SECISBP2: variants seen among roughly 807,000 people sequenced by gnomAD.
SECISBP2 encodes SECIS binding protein 2.
In SECISBP2, 96 loss-of-function variants were observed where a neutral mutation model predicts 98.2. The ratio of observed to expected loss-of-function variants is 0.98; its 90% confidence interval spans 0.83 to 1.16. The LOEUF is 1.16. Ranked by LOEUF, SECISBP2 falls within the 50% of genes most tolerant of loss-of-function variation. SECISBP2 has a pLI of 0.00. For missense variants in SECISBP2, 1,046 were observed against 1,022.9 expected, an observed-to-expected ratio of 1.02 and a Z score of -0.31; for synonymous variants, 407 against 370.2, an observed-to-expected ratio of 1.10 and a Z score of -1.14.
rs528901059 is a variant in SECISBP2, at chr9:89,348,481, T to G, written c.1738+267T>G. Reference sequence around the variant, plus strand: ...CAGGTTTGATCTGTGTGATGCTGGATGGTCCTCTAACTTGAAGTGGTCATG... The same window carrying G: ...CAGGTTTGATCTGTGTGATGCTGGAGGGTCCTCTAACTTGAAGTGGTCATG... On this transcript the variant is annotated intron_variant, in intron 12 of 16. Coordinates refer to ENST00000375807, the MANE Select transcript of SECISBP2 (RefSeq NM_024077.5). 2.0e-5 allele frequency among the ~76,000 whole-genome samples: 3 copies of G among 152,346 alleles called. No individual in the cohort carries two copies. The East Asian group carries it at 5.8e-4, about 29-fold the overall frequency.
intron 10 of SECISBP2, among the ~76,000 whole-genome samples, chr9:89,346,236 T>C (rs1830399506): frequency 6.6e-6 from 1 of 152,088 alleles, no homozygotes; most frequent in African/African-American, 2.4e-5. Flanking sequence ...AAATAACTAT[T>C]GAGATGGGAA....
Position 89,359,137 on chromosome 9 carries a change from A to G in SECISBP2, c.*313A>G, listed in dbSNP as rs904088807. On this transcript the variant is annotated 3_prime_UTR_variant, in exon 17 of 17. Coordinates refer to ENST00000375807, the MANE Select transcript of SECISBP2 (RefSeq NM_024077.5). ...TTAGAATACTTTGGCTGCTAAGGAAACTTCCTCTCCATTGCAGAATAGCTG... is the reference window on the plus strand; with the variant it reads ...TTAGAATACTTTGGCTGCTAAGGAAGCTTCCTCTCCATTGCAGAATAGCTG... The G allele has an allele frequency of 5.4e-6, 2 of 368,270 alleles. No homozygotes were observed. The highest frequency in any genetic ancestry group is 2.3e-5 in the South Asian group (1 of 43,406). 22.8% of individuals were successfully genotyped at this position (368,270 alleles called of 1,614,324 possible). A position where few individuals can be genotyped will look rare whatever the true frequency, so the allele number is the denominator to read the frequency against.
chr9:89,362,022 G>A (rs1371154708), downstream of SECISBP2: 3 of 359,930 alleles, frequency 8.3e-6, no homozygotes, highest in South Asian at 4.0e-5. Flanking sequence ...TCACTGGGAC[G>A]GTGTAGGATC....
rs759529135 is a variant in SECISBP2, at chr9:89,332,985, A to C, written c.879A>C (p.Arg293Ser). 2 of 1,613,132 alleles carry C rather than the reference A, an allele frequency of 1.2e-6. No individual in the cohort carries two copies. Among genetic ancestry groups the C allele is most frequent in the African/African-American group, 1.3e-5 (1 of 74,904 alleles). ...NAATNSPSCT[R>S]ELSWTPMGYV... ...CTACCAATTCTCCTTCATGTACAAG[A>C]GGTAAAAGTGGCTGCAAAAATGTTA... The change falls in exon 6 of 17, where the codon AGA becomes AGC. Residue 293 changes from arginine (R) to serine (S), a missense_variant and splice_region_variant. Arg to Ser is a moderately radical substitution (Grantham distance 110). Transcript: ENST00000375807.
intron 8 of SECISBP2, 97 bp downstream of exon 8, chr9:89,338,677 C>G: frequency 4.7e-6 from 6 of 1,279,686 alleles, no homozygotes; most frequent in Non-Finnish European, 6.6e-6. Flanking sequence ...TGAAAATCTC[C>G]AGGGCTTTTT....
chr9:89,345,984 ACAGT>A (rs1308901211), intron 10 of SECISBP2, among the ~76,000 whole-genome samples: 2 of 152,238 alleles, frequency 1.3e-5, no homozygotes, highest in Non-Finnish European at 2.9e-5. Context: ...AGTGAATCAG[ACAGT>A]CAGACAGGCG....
chr9:89,318,869 G>A (rs1825174172), intron 1 of SECISBP2: 11 of 1,253,998 alleles, frequency 8.8e-6, no homozygotes, highest in Non-Finnish European at 1.1e-5. Flanking sequence ...CAGTGACTGC[G>A]GCCCAGCCCG....
At chr9:89,326,120 C>G (rs779144701) in intron 4 of SECISBP2, 82 bp downstream of exon 4, 33 of 1,529,832 alleles carry the variant, frequency 2.2e-5, no homozygotes, top group African/African-American at 2.7e-5. Context: ...ACAGCTGTTT[C>G]TATGGGCTTG....
At chr9:89,321,718 C>T (rs1035981762) in intron 2 of SECISBP2, among the ~76,000 whole-genome samples, 3 of 151,744 alleles carry the variant, frequency 2.0e-5, no homozygotes, top group African/African-American at 7.3e-5. Context: ...TGGTTTATGA[C>T]CAAGGAAAAG....
chr9:89,320,470 G>T (rs1488165886), intron 2 of SECISBP2, among the ~76,000 whole-genome samples: 2 of 151,820 alleles, frequency 1.3e-5, no homozygotes, highest in African/African-American at 4.8e-5. Context: ...GCAAAGAAAG[G>T]ACCAAATAAA....
intron 7 of SECISBP2, among the ~76,000 whole-genome samples, chr9:89,337,554 G>A (rs1828964236): frequency 6.6e-6 from 1 of 151,972 alleles, no homozygotes; most frequent in African/African-American, 2.4e-5. Flanking sequence ...TTTGTTTTTT[G>A]TTTTCTTAAA....
downstream of SECISBP2, among the ~76,000 whole-genome samples, chr9:89,360,160 C>T (rs1324559844): frequency 2.0e-5 from 3 of 152,158 alleles, no homozygotes; most frequent in African/African-American, 7.2e-5. Flanking sequence ...ACGTTCTGAG[C>T]TGTTTAGACA....
rs886919252 is a variant in SECISBP2, at chr9:89,357,701, G to T, written c.2268+136G>T. On this transcript the variant is annotated intron_variant, in intron 15 of 16. Coordinates refer to ENST00000375807, the MANE Select transcript of SECISBP2 (RefSeq NM_024077.5). ...TCATTGAGGAGGAGCCACCACTTAG[G>T]CAGAACCTTCTTATAAAAAAGTAGC... 1.9e-5 allele frequency: 21 copies of T among 1,077,090 alleles called. 1 individual carries two copies. The African/African-American group carries it at 2.4e-4, about 12-fold the overall frequency. The allele number at this position is 1,077,090 out of a possible 1,614,324, so 66.7% of individuals were successfully genotyped here.
chr9:89,328,912 C>G, intron 5 of SECISBP2, 26 bp downstream of exon 5: 2 of 1,556,690 alleles, frequency 1.3e-6, no homozygotes, highest in Non-Finnish European at 1.8e-6. Flanking sequence ...CTCTCTTTTT[C>G]TTTTTCCTTT....
At chr9:89,348,009 TA>T in intron 11 of SECISBP2, 69 bp from the exon 12 acceptor site, 1 of 1,473,242 alleles carries the variant, frequency 6.8e-7, no homozygotes, top group Non-Finnish European at 9.3e-7. Flanking sequence ...TTGGGCAGTT[TA>T]ATTTGCAGAA....
Position 89,325,443 on chromosome 9 carries a change from G to T in SECISBP2, c.199G>T (p.Glu67Ter). ...TTTACTTAGGCAGAAAATATATACT[G>T]AAGACATGGCCTTTGGAGCTTCAAC... is the stretch of plus-strand genomic sequence containing the variant. ...PPVTEQKIYTEDMAFGASTFP... is the reference protein window; with the variant it reads ...PPVTEQKIYT The change falls in exon 3 of 17, where the codon GAA becomes TAA. Residue 67 changes from glutamate to a stop codon, truncating the protein, a stop_gained. Coordinates refer to ENST00000375807, the MANE Select transcript of SECISBP2 (RefSeq NM_024077.5). LOFTEE classifies it high-confidence loss of function. 1 of 1,613,986 alleles carries T rather than the reference G, an allele frequency of 6.2e-7. No individual in the cohort carries two copies. The highest frequency in any genetic ancestry group is 8.5e-7 in the Non-Finnish European group (1 of 1,179,914).
intron 4 of SECISBP2, among the ~76,000 whole-genome samples, chr9:89,327,611 A>G (rs1421048307): frequency 6.6e-6 from 1 of 152,100 alleles, no homozygotes; most frequent in Non-Finnish European, 1.5e-5. Flanking sequence ...AACCACACAC[A>G]TTAGCCTAGG....
chr9:89,338,104 C>T (rs573113047), intron 7 of SECISBP2, among the ~76,000 whole-genome samples: 4 of 152,244 alleles, frequency 2.6e-5, no homozygotes, highest in South Asian at 2.1e-4. Context: ...AGATGAGGAA[C>T]GACTGGGTCG....
chr9:89,333,623 G>A (rs1387333686), intron 6 of SECISBP2, among the ~76,000 whole-genome samples: 2 of 152,110 alleles, frequency 1.3e-5, no homozygotes, highest in African/African-American at 4.8e-5. Flanking sequence ...CAACTGATGT[G>A]TTTGTACTCC....
Sources: gnomAD v4.1 joint callset for allele counts (sites outside exome capture counted in the v4.1 genomes callset) on GRCh38, gnomAD v4.1.1 for gene constraint, MANE v1.5 for transcripts, NCBI Gene and HGNC (gene_info 2026-07-23, HGNC 2026-07-21) for gene names.